The following WNT2B variants were observed in gnomAD, a reference collection of about 807,000 sequenced individuals.
The protein encoded by WNT2B is protein Wnt-2b.
Under a neutral mutation model 40.5 loss-of-function variants are expected in WNT2B, and 19 were observed. The observed-to-expected ratio is 0.47, with a 90% CI of 0.33 to 0.69. The LOEUF is 0.69. Among genes scored for constraint, WNT2B ranks in the 30% least tolerant of loss-of-function variants. The pLI is 0.02. For synonymous variants in WNT2B, 220 were observed against 211.9 expected, an observed-to-expected ratio of 1.04 and a Z score of -0.33; for missense variants, 467 against 556.4, an observed-to-expected ratio of 0.84 and a Z score of 1.62.
In WNT2B at chr1:112,497,118, C is replaced by T. The variant is rs115613767; in HGVS notation, c.-94-17756C>T. On this transcript the variant is annotated intron_variant, in intron 1 of 4. Transcript: ENST00000256640. ...ACAGTTTTGCTGGAACCAGCCTACA[C>T]AGCAGCTCTTATGGGTTGGAATAGG... Among the ~76,000 whole-genome samples the T allele has an allele frequency of 3.0e-3, 459 of 152,338 alleles. 2 individuals are homozygous for T. The highest frequency in any genetic ancestry group is 0.01 in the African/African-American group (434 of 41,580).
At chr1:112,513,946 T>C (rs755792807) in intron 1 of WNT2B, among the ~76,000 whole-genome samples, 5 of 152,228 alleles carry the variant, frequency 3.3e-5, no homozygotes, top group Admixed American at 6.5e-5. Context: ...CTGTTTTCTC[T>C]CTGAAATATT....
At position 112,481,584 on chromosome 1, in the gene WNT2B, A is replaced by C. The variant is rs1651225949; in HGVS notation, c.-95+13993A>C. 2.0e-5 allele frequency among the ~76,000 whole-genome samples: 3 copies of C among 152,252 alleles called. No individual in the cohort carries two copies. The South Asian group carries it at 6.2e-4, about 32-fold the overall frequency. Reference sequence around the variant, plus strand: ...GAGACAAGAAAAAGCCATCCAAACAAAAAAGAAGTAAACTTATCCTTCTTT... The same window carrying C: ...GAGACAAGAAAAAGCCATCCAAACACAAAAGAAGTAAACTTATCCTTCTTT... On this transcript the variant is annotated intron_variant, in intron 1 of 4. Coordinates refer to the WNT2B transcript ENST00000256640.
At chr1:112,518,012 T>C (rs1652650887) in intron 4 of WNT2B, 1 of 152,190 alleles carries the variant, frequency 6.6e-6, no homozygotes, top group African/African-American at 2.4e-5. Flanking sequence ...CTAAGGGAGA[T>C]TAAAGCTAGA....
At chr1:112,469,687 C>T (rs1196625756) in intron 1 of WNT2B, among the ~76,000 whole-genome samples, 1 of 151,920 alleles carries the variant, frequency 6.6e-6, no homozygotes, top group Non-Finnish European at 1.5e-5. Flanking sequence ...GATCTCAGCT[C>T]ACTACAACCT....
chr1:112,511,232 A>G lies in WNT2B; in HGVS notation c.182+1788A>G, dbSNP rs351369. Among the ~76,000 whole-genome samples the G allele has an allele frequency of 1.0e-3, 152 of 151,484 alleles. 1 individual carries two copies. The highest frequency in any genetic ancestry group is 3.4e-3 in the African/African-American group (142 of 41,370). ...AAGATTCTGGAAAAATTCCTGGGTG[A>G]AAGAGCTAGGGAGGGAGGGAGGGAG... On this transcript the variant is annotated intron_variant, in intron 1 of 4. Transcript: ENST00000369684.
At chr1:112,493,036 T>A (rs926528835) in intron 1 of WNT2B, among the ~76,000 whole-genome samples, 26 of 152,154 alleles carry the variant, frequency 1.7e-4, no homozygotes, top group Non-Finnish European at 3.4e-4. Flanking sequence ...GTTTGAAAAG[T>A]CAAAACAGGC....
chr1:112,513,685 C>T (rs1400403602), intron 1 of WNT2B, among the ~76,000 whole-genome samples: 1 of 152,202 alleles, frequency 6.6e-6, no homozygotes, highest in African/African-American at 2.4e-5. Context: ...ATAGCTCAAA[C>T]CAAGTCTTTT....
At chr1:112,516,766 G>A (rs944387667) in intron 3 of WNT2B, among the ~76,000 whole-genome samples, 2 of 152,162 alleles carry the variant, frequency 1.3e-5, no homozygotes, top group Admixed American at 6.5e-5. Flanking sequence ...GTACTATGCT[G>A]GAAAATGGCA....
intron 4 of WNT2B, among the ~76,000 whole-genome samples, 174 bp from the exon 5 acceptor site, chr1:112,520,106 A>G (rs1390926985): frequency 1.3e-5 from 2 of 152,100 alleles, no homozygotes; most frequent in African/African-American, 4.8e-5. Context: ...TCCTGGACTC[A>G]AGGATTCCTT....
rs374417605 is a variant in WNT2B at position 112,509,335 on chromosome 1, C to T, written c.73C>T (p.Pro25Ser). 7.6e-6 allele frequency: 12 copies of T among 1,589,100 alleles called. No homozygotes were observed. The highest frequency in any genetic ancestry group is 8.5e-7 in the Non-Finnish European group (1 of 1,174,562). ...GCGCGCCAGCGCCCCGGTCCCTGTG[C>T]CGTCGCCCGCGGCCCCCGACGGCTC... is the stretch of plus-strand genomic sequence containing the variant. ...LRRASAPVPVPSPAAPDGSRA... is the reference protein window; with the variant it reads ...LRRASAPVPVSSPAAPDGSRA... Residue 25 changes from proline (P) to serine (S), a missense_variant, in exon 1 of 5, where the codon CCG (proline) becomes TCG (serine). Around this residue, in one of 2 missense-constraint regions of WNT2B, gnomAD observed 137 missense variants for 117.7 expected, o/e 1.16. Coordinates refer to ENST00000369684, the MANE Select transcript of WNT2B (RefSeq NM_024494.3). This position sits in a 1 kb window ranked among gnomAD's most constrained non-coding sequence, Gnocchi z 4.2.
chr1:112,493,389 G>A (rs1240068392), intron 1 of WNT2B, among the ~76,000 whole-genome samples: 1 of 152,136 alleles, frequency 6.6e-6, no homozygotes, highest in Non-Finnish European at 1.5e-5. Flanking sequence ...TCAGGAGGCT[G>A]GGAGGATTGC....
intron 1 of WNT2B, among the ~76,000 whole-genome samples, chr1:112,477,791 A>T (rs185600421): frequency 2.3e-4 from 33 of 143,042 alleles, no homozygotes; most frequent in East Asian, 1.9e-3. Context: ...AAATAATTTT[A>T]AAAAAAAATC....
At chr1:112,484,264 TATATACAC>T (rs1350849716) in intron 1 of WNT2B, among the ~76,000 whole-genome samples, 2 of 79,914 alleles carry the variant, frequency 2.5e-5, no homozygotes, top group African/African-American at 6.4e-5. Flanking sequence ...TACACATATA[TATATACAC>T]ATATATATAT....
At chr1:112,496,387 CCATCCCAA>C (rs1461979186) in intron 1 of WNT2B, among the ~76,000 whole-genome samples, 1 of 152,158 alleles carries the variant, frequency 6.6e-6, no homozygotes, top group East Asian at 1.9e-4. Context: ...AATACTCATT[CCATCCCAA>C]CAGCCCCCAA....
chr1:112,489,274 A>G (rs1433968493), intron 1 of WNT2B, among the ~76,000 whole-genome samples: 5 of 151,988 alleles, frequency 3.3e-5, no homozygotes, highest in Admixed American at 3.3e-4. Flanking sequence ...AAAGAAAAAA[A>G]AAGGCCAGGC....
rs1003891593 is a variant in WNT2B at position 112,515,439 on chromosome 1, C to T, written c.403+345C>T. Reference sequence around the variant, plus strand: ...TCTATGATAGGCCCTCTGTTCTTAACACCACCATCACTATCGTCACCCCAA... The same window carrying T: ...TCTATGATAGGCCCTCTGTTCTTAATACCACCATCACTATCGTCACCCCAA... On this transcript the variant is annotated intron_variant, in intron 2 of 4. Coordinates refer to ENST00000369684, the MANE Select transcript of WNT2B (RefSeq NM_024494.3). The surrounding 1 kb of genome is among the most constrained non-coding windows in gnomAD (Gnocchi z 4.4). 1.3e-5 allele frequency among the ~76,000 whole-genome samples: 2 copies of T among 152,192 alleles called. No homozygotes were observed. The highest frequency in any genetic ancestry group is 4.8e-5 in the African/African-American group (2 of 41,440).
Position 112,509,546 on chromosome 1 carries a change from G to A in WNT2B, c.182+102G>A. The stretch of plus-strand genomic sequence containing the variant: ...CACGGGACCAGGCTGTTGCTTCGAC[G>A]GGTTGGAGACGATTCGGGCAGGACT... On this transcript the variant is annotated intron_variant, in intron 1 of 4. Coordinates refer to ENST00000369684, the MANE Select transcript of WNT2B (RefSeq NM_024494.3). The surrounding 1 kb of genome is among the most constrained non-coding windows in gnomAD (Gnocchi z 4.2). 1 of 1,325,090 alleles carries A rather than the reference G, an allele frequency of 7.5e-7. No homozygotes were observed. Among genetic ancestry groups the A allele is most frequent in the South Asian group, 1.6e-5 (1 of 63,432 alleles). The allele number at this position is 1,325,090 out of a possible 1,614,324, so 82.1% of individuals were successfully genotyped here. A position where few individuals can be genotyped will look rare whatever the true frequency, so the allele number is the denominator to read the frequency against.
chr1:112,474,255 C>A (rs1027497744), intron 1 of WNT2B, among the ~76,000 whole-genome samples: 4 of 151,800 alleles, frequency 2.6e-5, no homozygotes, highest in African/African-American at 9.7e-5. Flanking sequence ...AAGCGATTCT[C>A]CTGCCTCAGC....
At chr1:112,493,648 A>C (rs1651674326) in intron 1 of WNT2B, among the ~76,000 whole-genome samples, 1 of 152,060 alleles carries the variant, frequency 6.6e-6, no homozygotes, top group Non-Finnish European at 1.5e-5. Context: ...CAAAACTGAA[A>C]AGCAAAGAGA....
Sources: allele counts gnomAD v4.1 joint callset (sites outside exome capture counted in the v4.1 genomes callset), GRCh38; gene constraint gnomAD v4.1.1; regional missense constraint gnomAD v4.1.1; non-coding constraint Gnocchi (gnomAD v3.1); transcripts MANE v1.5; gene names NCBI Gene and HGNC (gene_info 2026-07-23, HGNC 2026-07-21).